Variants in C10orf90 observed in about 807,000 individuals in gnomAD.
The protein encoded by C10orf90 is chromosome 10 open reading frame 90, also known as (E2-independent) E3 ubiquitin-conjugating enzyme FATS.
C10orf90 carries 56 observed loss-of-function variants against 62.5 expected under a neutral mutation model. That is an observed-to-expected ratio of 0.90 (90% CI 0.72 to 1.12). The LOEUF is 1.12. Among genes scored for constraint, C10orf90 ranks in the 50% most tolerant of loss-of-function variants. C10orf90 has a pLI of 0.00. For missense variants in C10orf90, 970 were observed against 880.4 expected, an observed-to-expected ratio of 1.10 and a Z score of -1.29; for synonymous variants, 386 against 340.4, an observed-to-expected ratio of 1.13 and a Z score of -1.47.
intron 7 of C10orf90, among the ~76,000 whole-genome samples, chr10:126,436,811 T>G (rs931196858): frequency 4.6e-5 from 7 of 151,990 alleles, no homozygotes; most frequent in Non-Finnish European, 7.4e-5. Flanking sequence ...TTTTGTTGTT[T>G]TTGTTGTTGT....
In C10orf90 at chr10:126,504,893, G is replaced by GT. The variant is rs754203218; in HGVS notation, c.597dup (p.Leu200ThrfsTer13). On this transcript the variant is annotated frameshift_variant, in exon 4 of 10. Transcript: ENST00000488181. LOFTEE classifies it high-confidence loss of function. The surrounding 1 kb of genome is among the most constrained non-coding windows in gnomAD (Gnocchi z 4.1). ...GCCGGGATTCCTAATCTGCCCGGAA[G>GT]TAACGCAAATGCTCTGTGAATGTTG... is the stretch of plus-strand genomic sequence containing the variant. 3 of 1,614,184 alleles carry GT rather than the reference G, an allele frequency of 1.9e-6. No individual in the cohort carries two copies. Among genetic ancestry groups the GT allele is most frequent in the Non-Finnish European group, 2.5e-6 (3 of 1,180,022 alleles).
At chr10:126,553,772 G>A (rs1239919379) in intron 2 of C10orf90, among the ~76,000 whole-genome samples, 1 of 152,086 alleles carries the variant, frequency 6.6e-6, no homozygotes, top group Non-Finnish European at 1.5e-5. Context: ...AACACCTAAC[G>A]ACACGTTTCT....
chr10:126,623,099 C>T (rs752509182), intron 2 of C10orf90, among the ~76,000 whole-genome samples: 6 of 152,290 alleles, frequency 3.9e-5, no homozygotes, highest in Admixed American at 6.5e-5. Flanking sequence ...TAAGAACTGT[C>T]GGATGAGCTC....
chr10:126,621,894 C>T (rs529128152), intron 2 of C10orf90, among the ~76,000 whole-genome samples: 3 of 152,284 alleles, frequency 2.0e-5, no homozygotes, highest in East Asian at 3.9e-4. Context: ...ATGCACTGCA[C>T]TCTCTCTTGT....
At chr10:126,502,084 CCACACA>C (rs1233646643) in intron 4 of C10orf90, among the ~76,000 whole-genome samples, 1 of 146,746 alleles carries the variant, frequency 6.8e-6, no homozygotes, top group Non-Finnish European at 1.5e-5. Context: ...CACACACACA[CCACACA>C]ACCACACACA....
At chr10:126,497,917 G>A (rs1440370197) in intron 4 of C10orf90, among the ~76,000 whole-genome samples, 1 of 152,162 alleles carries the variant, frequency 6.6e-6, no homozygotes, top group Non-Finnish European at 1.5e-5. Context: ...ACATACCAGG[G>A]GCTGAGTTCT....
At chr10:126,647,801 G>T (rs1450606556) in intron 1 of C10orf90, among the ~76,000 whole-genome samples, 1 of 152,140 alleles carries the variant, frequency 6.6e-6, no homozygotes, top group African/African-American at 2.4e-5. Flanking sequence ...TCTCAGAAAG[G>T]TATGCTTCTT....
At chr10:126,609,716 T>C (rs1178504991) in intron 2 of C10orf90, among the ~76,000 whole-genome samples, 1 of 152,168 alleles carries the variant, frequency 6.6e-6, no homozygotes, top group African/African-American at 2.4e-5. Flanking sequence ...AGAAGGAGCC[T>C]GTGAATGACA....
At chr10:126,472,721 C>T (rs1036148119) in intron 4 of C10orf90, among the ~76,000 whole-genome samples, 4 of 152,118 alleles carry the variant, frequency 2.6e-5, no homozygotes, top group African/African-American at 7.2e-5. Flanking sequence ...AAGGGAACAG[C>T]ATAGAGGAAT....
At chr10:126,511,872 C>T (rs1350300582) in intron 3 of C10orf90, among the ~76,000 whole-genome samples, 1 of 151,974 alleles carries the variant, frequency 6.6e-6, no homozygotes, top group East Asian at 1.9e-4. Flanking sequence ...TAAAAAACTT[C>T]TTAAAGAAGA....
intron 1 of C10orf90, among the ~76,000 whole-genome samples, chr10:126,653,214 T>C (rs1042746625): frequency 1.3e-5 from 2 of 152,174 alleles, no homozygotes; most frequent in East Asian, 3.8e-4. Flanking sequence ...GAGACAACAA[T>C]GAAGTTTGCT....
Position 126,670,521 on chromosome 10 carries a change from A to G in C10orf90, c.-41T>C, listed in dbSNP as rs796222857. On this transcript the variant is annotated 5_prime_UTR_variant, in exon 1 of 10. Transcript: ENST00000488181. Reference sequence around the variant, plus strand: ...GTGACTTTAGCTAGTGAGACTGGCAAACACAATTTTCTTTGTTTAACCCAG... The same window carrying G: ...GTGACTTTAGCTAGTGAGACTGGCAGACACAATTTTCTTTGTTTAACCCAG... The G allele has an allele frequency of 2.2e-5, 10 of 452,708 alleles. No individual in the cohort carries two copies. The highest frequency in any genetic ancestry group is 2.0e-4 in the African/African-American group (10 of 49,994). 28.0% of individuals were successfully genotyped at this position (452,708 alleles called of 1,614,324 possible).
In C10orf90 at chr10:126,454,378, A is replaced by G. The variant is rs547479392; in HGVS notation, c.2188+4662T>C. Among the ~76,000 whole-genome samples, 53 of 152,088 alleles carry G rather than the reference A, an allele frequency of 3.5e-4. 1 individual carries two copies. The South Asian group carries it at 6.6e-3, about 19-fold the overall frequency. On this transcript the variant is annotated intron_variant, in intron 7 of 9. Transcript: ENST00000488181. ...AAATGCTGAACCCCCTATTGCCTGC[A>G]GGGGCTATACCCTCTACAACTTGCA... is the stretch of plus-strand genomic sequence containing the variant.
chr10:126,641,477 C>T (rs569529574), intron 2 of C10orf90, among the ~76,000 whole-genome samples: 4 of 152,180 alleles, frequency 2.6e-5, no homozygotes, highest in South Asian at 4.2e-4. Flanking sequence ...CCCCGCCATC[C>T]GCCCGCTCCT....
intron 2 of C10orf90, among the ~76,000 whole-genome samples, chr10:126,514,688 T>C (rs548240920): frequency 1.3e-5 from 2 of 152,314 alleles, no homozygotes; most frequent in East Asian, 1.9e-4. Flanking sequence ...AAGCTTTCTC[T>C]TAGCTGCAAG....
intron 2 of C10orf90, among the ~76,000 whole-genome samples, chr10:126,571,389 A>C (rs983366853): frequency 6.6e-6 from 1 of 152,178 alleles, no homozygotes; most frequent in African/African-American, 2.4e-5. Flanking sequence ...ACCCAGGAGC[A>C]GCGCAGTTGG....
intron 1 of C10orf90, among the ~76,000 whole-genome samples, chr10:126,655,116 C>T (rs1397600947): frequency 1.3e-5 from 2 of 151,988 alleles, no homozygotes; most frequent in African/African-American, 2.4e-5. Context: ...GTCAGGAGAT[C>T]GAGACCATCC....
intron 2 of C10orf90, among the ~76,000 whole-genome samples, chr10:126,519,899 G>A (rs922781481): frequency 9.9e-5 from 15 of 152,096 alleles, no homozygotes; most frequent in Non-Finnish European, 1.9e-4. Flanking sequence ...GATCCCCTCC[G>A]TGAGCACCGC....
At chr10:126,631,725 C>T (rs1213626532) in intron 2 of C10orf90, among the ~76,000 whole-genome samples, 1 of 151,792 alleles carries the variant, frequency 6.6e-6, no homozygotes, top group Non-Finnish European at 1.5e-5. Context: ...GCACCAACAC[C>T]CAGGGCAGGG....
Sources: allele counts gnomAD v4.1 joint callset (sites outside exome capture counted in the v4.1 genomes callset), GRCh38; gene constraint gnomAD v4.1.1; non-coding constraint Gnocchi (gnomAD v3.1); transcripts MANE v1.5; gene names NCBI Gene and HGNC (gene_info 2026-07-23, HGNC 2026-07-21).